Variants in MYH6 observed in about 807,000 individuals in gnomAD.
The protein encoded by MYH6 is myosin heavy chain 6.
Under a neutral mutation model 223.2 loss-of-function variants are expected in MYH6, and 126 were observed. The ratio of observed to expected loss-of-function variants is 0.56; its 90% CI spans 0.49 to 0.65. MYH6 has a LOEUF of 0.65. Ranked by LOEUF, MYH6 falls within the 30% of genes least tolerant of loss-of-function variation. The pLI, the probability that MYH6 is intolerant of heterozygous loss-of-function variation, is 0.00. For synonymous variants in MYH6, 978 were observed against 1,010.2 expected (o/e 0.97, Z 0.61); for missense variants, 2,040 against 2,536.4 (o/e 0.80, Z 4.20).
At position 23,399,253 on chromosome 14, in the gene MYH6, G is replaced by C. The variant is rs1243032600; in HGVS notation, c.1582-216C>G. On this transcript the variant is annotated intron_variant, in intron 14 of 38. Transcript: ENST00000405093. ...CTTTCTGCCCAGTGGGTCCAACAAAGAGTCATGCACTCCTAATCACCCCCC... is the reference window on the plus strand; with the variant it reads ...CTTTCTGCCCAGTGGGTCCAACAAACAGTCATGCACTCCTAATCACCCCCC... 2.6e-5 allele frequency among the ~76,000 whole-genome samples: 4 copies of C among 152,110 alleles called. No individual in the cohort carries two copies. The East Asian group carries it at 7.7e-4, about 29-fold the overall frequency.
chr14:23,397,630 G>T lies in MYH6; in HGVS notation c.1892-17C>A. ...CACTGTCCCCTAAACAGCGAGAGGA[G>T]AAATAATCAACAGGAGCTGGAAAAT... is the stretch of plus-strand genomic sequence containing the variant. On this transcript the variant is annotated splice_polypyrimidine_tract_variant and intron_variant, in intron 15 of 38. Transcript: ENST00000405093. 1 of 1,613,520 alleles carries T rather than the reference G, an allele frequency of 6.2e-7. No individual in the cohort carries two copies. Among genetic ancestry groups the T allele is most frequent in the Non-Finnish European group, 8.5e-7 (1 of 1,179,496 alleles).
chr14:23,386,246 C>T, intron 33 of MYH6, 69 bp downstream of exon 33: 1 of 1,612,438 alleles, frequency 6.2e-7, no homozygotes, highest in South Asian at 1.1e-5. Context: ...GTGCCTGTAT[C>T]CAGACACCAC....
At chr14:23,389,761 G>A in intron 26 of MYH6, 42 bp from the exon 27 acceptor site, 1 of 1,614,034 alleles carries the variant, frequency 6.2e-7, no homozygotes, top group Non-Finnish European at 8.5e-7. Context: ...GGGAGGGGCT[G>A]AGTCGACCAG....
At chr14:23,397,961 C>T (rs547103332) in intron 15 of MYH6, among the ~76,000 whole-genome samples, 16 of 120,986 alleles carry the variant, frequency 1.3e-4, no homozygotes, top group Admixed American at 1.8e-4. Context: ...TCTTCTTCTT[C>T]TTCTTCTTCT....
At chr14:23,399,516 G>A (rs1215859880) in intron 14 of MYH6, among the ~76,000 whole-genome samples, 1 of 152,180 alleles carries the variant, frequency 6.6e-6, no homozygotes, top group Non-Finnish European at 1.5e-5. Flanking sequence ...TTAAGAATTT[G>A]TTGAAGCTAA....
At chr14:23,399,532 G>C (rs17091555) in intron 14 of MYH6, among the ~76,000 whole-genome samples, 3,965 of 152,224 alleles carry the variant, frequency 0.026, 171 homozygotes, top group African/African-American at 0.088. Flanking sequence ...GCTAAAGACT[G>C]TCTCTCCAGA....
chr14:23,385,174 C>A, intron 34 of MYH6, 133 bp from the exon 35 acceptor site: 3 of 1,045,434 alleles, frequency 2.9e-6, no homozygotes, highest in South Asian at 2.7e-5. Flanking sequence ...GACTATTGAT[C>A]GTTTTGTACC....
Position 23,386,552 on chromosome 14 carries a change from G to A in MYH6, c.4722C>T (p.Ile1574=), listed in dbSNP as rs375410722. Residue 1574 remains isoleucine (I), a synonymous_variant, in exon 33 of 39, where the codon ATC becomes ATT. Coordinates refer to ENST00000405093, the MANE Select transcript of MYH6 (RefSeq NM_002471.4). ...QLEFNQIKAE[I]ERKLAEKDEE... ...CGTCCTTCTCTGCCAGCTTCCGCTCGATCTCTGCCTTGATCTGGTTGAACT... is the reference window on the plus strand; with the variant it reads ...CGTCCTTCTCTGCCAGCTTCCGCTCAATCTCTGCCTTGATCTGGTTGAACT... The A allele has an allele frequency of 9.3e-6, 15 of 1,613,370 alleles. No individual in the cohort carries two copies. The African/African-American group carries it at 1.1e-4, about 11-fold the overall frequency.
chr14:23,402,126 AT>A (rs1298221883), intron 12 of MYH6, among the ~76,000 whole-genome samples: 1 of 152,232 alleles, frequency 6.6e-6, no homozygotes, highest in Non-Finnish European at 1.5e-5. Context: ...ACAACATGGT[AT>A]GAGCCCACGA....
At chr14:23,388,034 G>C (rs560774164) in intron 30 of MYH6, 111 bp from the exon 31 acceptor site, 1 of 1,606,200 alleles carries the variant, frequency 6.2e-7, no homozygotes, top group Non-Finnish European at 8.5e-7. Context: ...ATCTGTCCCT[G>C]GTCCCGAGCC....
rs751307657 is a variant in MYH6, at chr14:23,384,958, C to T, written c.5247G>A (p.Glu1749=). Residue 1749 remains glutamate (E), a synonymous_variant, in exon 35 of 39, where the codon GAG becomes GAA. Transcript: ENST00000405093. ...LQSEVEEAVQ[E]CRNAEEKAKK... ...TGGCCTTCTCCTCGGCGTTTCTGCACTCCTGCACTGCCTCCTCCACTTCCG... is the reference window on the plus strand; with the variant it reads ...TGGCCTTCTCCTCGGCGTTTCTGCATTCCTGCACTGCCTCCTCCACTTCCG... 6.2e-7 allele frequency: 1 copy of T among 1,614,260 alleles called. No individual in the cohort carries two copies. The highest frequency in any genetic ancestry group is 8.5e-7 in the Non-Finnish European group (1 of 1,180,040).
In MYH6 at chr14:23,384,358, G is replaced by A; in HGVS notation, c.5565+84C>T. On this transcript the variant is annotated intron_variant, in intron 36 of 38. Coordinates refer to ENST00000405093, the MANE Select transcript of MYH6 (RefSeq NM_002471.4). ...CTACCAACAGCATCTCAAGGAGGAG[G>A]TGAGAGGAGCCCTGTGAGGGCGGGG... 2.5e-6 allele frequency: 4 copies of A among 1,588,534 alleles called. No individual in the cohort carries two copies. In the Admixed American group the frequency reaches 5.0e-5, roughly 20 times the overall value.
rs746758304 is a variant in MYH6 at position 23,396,350 on chromosome 14, G to C, written c.2363C>G (p.Thr788Arg). 1 of 1,614,104 alleles carries C rather than the reference G, an allele frequency of 6.2e-7. No homozygotes were observed. The highest frequency in any genetic ancestry group is 1.7e-5 in the Admixed American group (1 of 60,034). The change falls in exon 20 of 39, where the codon ACG becomes AGG. Residue 788 changes from threonine to arginine, a missense_variant. By Grantham distance (71) the Thr-to-Arg change is moderately conservative. This residue lies in a region of MYH6 where 649 missense variants were observed against 877.3 expected (regional missense o/e 0.74). Coordinates refer to ENST00000405093, the MANE Select transcript of MYH6 (RefSeq NM_002471.4). ...GCCCCGGGCTTGGGCCTGCATGCGC[G>C]TGATGATGCGGCTCAGCCTCTCATC... ...MRDERLSRII[T>R]RMQAQARGQL...
chr14:23,392,131 A>G (rs908501113), intron 25 of MYH6, among the ~76,000 whole-genome samples: 3 of 151,894 alleles, frequency 2.0e-5, no homozygotes, highest in African/African-American at 7.3e-5. Context: ...ATGGGGACTC[A>G]GCCTGGGTTA....
Position 23,383,293 on chromosome 14 carries a change from G to T in MYH6, c.5593C>A (p.Arg1865=). The change falls in exon 37 of 39, where the codon CGG becomes AGG. Residue 1865 remains arginine, a synonymous_variant. Coordinates refer to ENST00000405093, the MANE Select transcript of MYH6 (RefSeq NM_002471.4). Reference sequence around the variant, plus strand: ...AGCTTGTCCACCAGGTCCTGTAGCCGCAGCAGGTTCTTTTTGTCTTCCTCT... The same window carrying T: ...AGCTTGTCCACCAGGTCCTGTAGCCTCAGCAGGTTCTTTTTGTCTTCCTCT... The part of the protein sequence containing the change: ...QTEEDKKNLL[R]LQDLVDKLQL... The T allele has an allele frequency of 2.2e-6, 3 of 1,345,124 alleles. No individual in the cohort carries two copies. Among genetic ancestry groups the T allele is most frequent in the Non-Finnish European group, 3.0e-6 (3 of 1,007,004 alleles). 83.3% of individuals were successfully genotyped at this position (1,345,124 alleles called of 1,614,324 possible).
chr14:23,401,799 C>T (rs1595062327), intron 12 of MYH6, among the ~76,000 whole-genome samples: 1 of 152,318 alleles, frequency 6.6e-6, no homozygotes, highest in East Asian at 1.9e-4. Flanking sequence ...AAATGTGCCA[C>T]CCAACATGGG....
Position 23,405,568 on chromosome 14 carries a change from G to A in MYH6, c.345+59C>T, listed in dbSNP as rs1891759163. The A allele has an allele frequency of 6.2e-7, 1 of 1,612,306 alleles. No individual in the cohort carries two copies. Among genetic ancestry groups the A allele is most frequent in the Non-Finnish European group, 8.5e-7 (1 of 1,179,036 alleles). ...CCCCTCTTCTTGGGAGAGCCCCCCTGGCTTATTTAGGCCTCCACGCAGCAC... is the reference window on the plus strand; with the variant it reads ...CCCCTCTTCTTGGGAGAGCCCCCCTAGCTTATTTAGGCCTCCACGCAGCAC... On this transcript the variant is annotated intron_variant, in intron 4 of 38. Transcript: ENST00000405093. This position sits in a 1 kb window ranked among gnomAD's most constrained non-coding sequence, Gnocchi z 4.7.
At position 23,393,006 on chromosome 14, in the gene MYH6, C is replaced by T. The variant is rs565119867; in HGVS notation, c.3157G>A (p.Ala1053Thr). 1 of 1,614,218 alleles carries T rather than the reference C, an allele frequency of 6.2e-7. No individual in the cohort carries two copies. Among genetic ancestry groups the T allele is most frequent in the Non-Finnish European group, 8.5e-7 (1 of 1,180,050 alleles). ...EKKVRMDLER[A>T]KRKLEGDLKL... ...AGGTCGCCCTCCAGTTTCCGCTTTGCTCGCTCCAGGTCCATGCGCACCTTC... is the reference window on the plus strand; with the variant it reads ...AGGTCGCCCTCCAGTTTCCGCTTTGTTCGCTCCAGGTCCATGCGCACCTTC... Residue 1053 changes from alanine to threonine, a missense_variant, in exon 24 of 39, where the codon GCA becomes ACA. By Grantham distance (58) the Ala-to-Thr change is moderately conservative. Coordinates refer to ENST00000405093, the MANE Select transcript of MYH6 (RefSeq NM_002471.4).
rs1890961650 is a variant in MYH6, at chr14:23,384,590, G to T, written c.5417C>A (p.Ala1806Asp). 1.9e-6 allele frequency: 3 copies of T among 1,613,746 alleles called. No homozygotes were observed. The highest frequency in any genetic ancestry group is 2.5e-6 in the Non-Finnish European group (3 of 1,180,030). Residue 1806 changes from alanine (A) to aspartate (D), a missense_variant, in exon 36 of 39, where the codon GCC becomes GAC. Physicochemically the swap from Ala to Asp is moderately radical, Grantham distance 126. Coordinates refer to ENST00000405093, the MANE Select transcript of MYH6 (RefSeq NM_002471.4). ...CAGCTGCTTCTTGCCTCCCTTGAGG[G>T]CGATCTGCTCGGCCTCGTCCAGCCG... ...QHRLDEAEQI[A>D]LKGGKKQLQK...
Sources: gnomAD v4.1 joint callset for allele counts (sites outside exome capture counted in the v4.1 genomes callset) on GRCh38, gnomAD v4.1.1 for gene constraint, gnomAD v4.1.1 regional missense constraint, Gnocchi (gnomAD v3.1) non-coding constraint, MANE v1.5 for transcripts, NCBI Gene and HGNC (gene_info 2026-07-23, HGNC 2026-07-21) for gene names.